PAPPA2: variants seen among roughly 807,000 people sequenced by gnomAD.
PAPPA2 encodes the protein pappalysin-2.
PAPPA2 carries 86 observed loss-of-function variants against 176.4 expected under a neutral mutation model. The observed-to-expected ratio is 0.49, with a 90% CI of 0.41 to 0.58. The LOEUF (loss-of-function observed/expected upper bound fraction) is 0.58. PAPPA2 is among the 20% of genes least tolerant of loss of function. The probability of loss-of-function intolerance (pLI) is 0.00; values close to 1 mark genes in which losing one functional copy is unlikely to be tolerated. For synonymous variants in PAPPA2, 809 were observed against 852.2 expected, an observed-to-expected ratio of 0.95 and a Z score of 0.88; for missense variants, 2,073 against 2,256.9, an observed-to-expected ratio of 0.92 and a Z score of 1.65.
At chr1:176,575,554 G>T (rs1652595586) in intron 2 of PAPPA2, among the ~76,000 whole-genome samples, 1 of 152,098 alleles carries the variant, frequency 6.6e-6, no homozygotes, top group African/African-American at 2.4e-5. Flanking sequence ...TGCAGTGCGT[G>T]ATTCACTCAT....
intron 7 of PAPPA2, among the ~76,000 whole-genome samples, chr1:176,696,658 C>A (rs1660400079): frequency 6.6e-6 from 1 of 152,200 alleles, no homozygotes; most frequent in Non-Finnish European, 1.5e-5. Context: ...AATGGCTTGA[C>A]TTCTTCCATC....
intron 2 of PAPPA2, among the ~76,000 whole-genome samples, chr1:176,579,640 C>T (rs565013487): frequency 1.2e-4 from 18 of 152,152 alleles, no homozygotes; most frequent in African/African-American, 4.1e-4. Flanking sequence ...TCTTCTTGCC[C>T]CAAAATAACA....
At position 176,845,359 on chromosome 1, in the gene PAPPA2, A is replaced by T. The variant is rs1417733450; in HGVS notation, c.*2905A>T. ...TACTGACAGAAATTAAAGTAAAGGGATTGTGAAAGTAAAGAGCTCTTCCTG... is the reference window on the plus strand; with the variant it reads ...TACTGACAGAAATTAAAGTAAAGGGTTTGTGAAAGTAAAGAGCTCTTCCTG... On this transcript the variant is annotated 3_prime_UTR_variant, in exon 23 of 23. Transcript: ENST00000367662. The T allele has an allele frequency of 1.3e-5, 2 of 152,158 alleles. No individual in the cohort carries two copies. The highest frequency in any genetic ancestry group is 2.9e-5 in the Non-Finnish European group (2 of 68,028). The allele number at this position is 152,158 out of a possible 1,614,324, so 9.4% of individuals were successfully genotyped here.
intron 20 of PAPPA2, 123 bp from the exon 21 acceptor site, chr1:176,799,938 A>G: frequency 1.0e-6 from 1 of 953,986 alleles, no homozygotes; most frequent in Non-Finnish European, 1.6e-6. Flanking sequence ...TATGGGACAC[A>G]ATTAGAAACT....
intron 17 of PAPPA2, among the ~76,000 whole-genome samples, chr1:176,780,172 T>C (rs1174738970): frequency 6.6e-6 from 1 of 152,128 alleles, no homozygotes; most frequent in African/African-American, 2.4e-5. Flanking sequence ...AATTCCCAGG[T>C]GAGGGTGTGA....
rs780049104 is a variant in PAPPA2 at position 176,593,175 on chromosome 1, G to A, written c.920-1349G>A. Among the ~76,000 whole-genome samples the A allele has an allele frequency of 5.3e-5, 8 of 152,318 alleles. 1 individual carries two copies. The South Asian group carries it at 6.2e-4, about 12-fold the overall frequency. On this transcript the variant is annotated intron_variant, in intron 2 of 22. Transcript: ENST00000367662. ...GAGTTATTAATTTGTGCTGAAGACA[G>A]AAAAGATATTCTGTCACTTTTGGAA...
intron 17 of PAPPA2, among the ~76,000 whole-genome samples, chr1:176,779,483 C>T (rs1397771241): frequency 8.0e-6 from 1 of 124,710 alleles, no homozygotes; most frequent in East Asian, 2.0e-4. Context: ...TCATCACACA[C>T]ACACACACAC....
chr1:176,740,273 G>T (rs945431585), intron 14 of PAPPA2, 77 bp downstream of exon 14: 2 of 1,384,892 alleles, frequency 1.4e-6, no homozygotes, highest in Non-Finnish European at 2.0e-6. Context: ...ATAGTGTTAT[G>T]TATAGAGTGT....
chr1:176,569,678 C>T (rs560777678), intron 2 of PAPPA2, among the ~76,000 whole-genome samples: 1 of 152,324 alleles, frequency 6.6e-6, no homozygotes, highest in African/African-American at 2.4e-5. Context: ...TGTAAGCTGT[C>T]TGGGGTCAGA....
intron 1 of PAPPA2, among the ~76,000 whole-genome samples, chr1:176,475,991 T>C (rs923848373): frequency 6.6e-5 from 10 of 152,234 alleles, no homozygotes; most frequent in Non-Finnish European, 2.9e-5. Flanking sequence ...AGTAGGGCAC[T>C]GACTTTTCTG....
intron 14 of PAPPA2, among the ~76,000 whole-genome samples, chr1:176,748,624 G>A (rs1288654717): frequency 1.3e-5 from 2 of 152,014 alleles, no homozygotes; most frequent in Admixed American, 6.6e-5. Flanking sequence ...TTACAGTCAT[G>A]TACCACATTA....
chr1:176,540,380 T>C, intron 1 of PAPPA2, among the ~76,000 whole-genome samples: 1 of 152,252 alleles, frequency 6.6e-6, no homozygotes, highest in Admixed American at 6.5e-5. Context: ...GTCTTTGAAA[T>C]GCCCTTGATT....
At chr1:176,840,786 T>C (rs1315859163) in intron 22 of PAPPA2, among the ~76,000 whole-genome samples, 1 of 152,184 alleles carries the variant, frequency 6.6e-6, no homozygotes, top group Non-Finnish European at 1.5e-5. Flanking sequence ...CTTGGCTCTG[T>C]TAAATTAGCA....
At chr1:176,699,647 C>A in intron 8 of PAPPA2, 58 bp downstream of exon 8, 1 of 1,525,182 alleles carries the variant, frequency 6.6e-7, no homozygotes, top group Non-Finnish European at 8.8e-7. Context: ...GGTTTTGTTA[C>A]TTTTCCCCCA....
chr1:176,807,935 G>A (rs1314549818), intron 21 of PAPPA2, among the ~76,000 whole-genome samples: 2 of 152,144 alleles, frequency 1.3e-5, no homozygotes, highest in African/African-American at 4.8e-5. Context: ...TAAAGTAGAA[G>A]CCACTTCTTA....
At chr1:176,655,918 A>G (rs1658007228) in intron 3 of PAPPA2, among the ~76,000 whole-genome samples, 1 of 151,840 alleles carries the variant, frequency 6.6e-6, no homozygotes, top group African/African-American at 2.4e-5. Flanking sequence ...TTCCTGGGCC[A>G]GATTAATGGT....
intron 1 of PAPPA2, among the ~76,000 whole-genome samples, chr1:176,491,944 C>T (rs1647313391): frequency 6.6e-6 from 1 of 152,204 alleles, no homozygotes; most frequent in Non-Finnish European, 1.5e-5. Context: ...CAATTCTATG[C>T]CCTGCACTTG....
intron 14 of PAPPA2, among the ~76,000 whole-genome samples, chr1:176,741,242 G>A (rs542695683): frequency 6.6e-6 from 1 of 152,174 alleles, no homozygotes; most frequent in East Asian, 1.9e-4. Flanking sequence ...GGCCAAGGCT[G>A]TAGTTACTCA....
At chr1:176,729,777 A>C (rs1377622485) in intron 12 of PAPPA2, among the ~76,000 whole-genome samples, 1 of 152,122 alleles carries the variant, frequency 6.6e-6, no homozygotes, top group Non-Finnish European at 1.5e-5. Flanking sequence ...TGTTGAGAAA[A>C]AATATTAAAA....
Sources: allele counts gnomAD v4.1 joint callset (sites outside exome capture counted in the v4.1 genomes callset), GRCh38; gene constraint gnomAD v4.1.1; transcripts MANE v1.5; gene names NCBI Gene and HGNC (gene_info 2026-07-23, HGNC 2026-07-21).